Variants in SNTB1 observed in about 807,000 individuals in gnomAD.
SNTB1 encodes beta-1-syntrophin.
In SNTB1, 36 loss-of-function variants were observed where a neutral mutation model predicts 48.9. That is an observed-to-expected ratio of 0.74 (90% CI 0.56 to 0.97). The LOEUF (loss-of-function observed/expected upper bound fraction) is 0.97. SNTB1 is among the 50% of genes least tolerant of loss of function. SNTB1 has a pLI of 0.00. For synonymous variants in SNTB1, 299 were observed against 294.6 expected (o/e 1.01, Z -0.15); for missense variants, 786 against 703.4 (o/e 1.12, Z -1.33).
At chr8:120,661,195 T>TA (rs34319576) in intron 2 of SNTB1, among the ~76,000 whole-genome samples, 10,801 of 143,894 alleles carry the variant, frequency 0.075, 623 homozygotes, top group East Asian at 0.28. Flanking sequence ...TTCAATTTGT[T>TA]AAAAAAAAAA....
At chr8:120,811,217 G>A in intron 1 of SNTB1, 56 bp downstream of exon 1, 1 of 1,526,096 alleles carries the variant, frequency 6.6e-7, no homozygotes, top group South Asian at 1.3e-5. Flanking sequence ...GTGCGGGTGG[G>A]AAGCCGAGCA....
chr8:120,741,486 G>T (rs1236024319), intron 1 of SNTB1, among the ~76,000 whole-genome samples: 2 of 152,180 alleles, frequency 1.3e-5, no homozygotes, highest in Non-Finnish European at 2.9e-5. Context: ...GTGAGCCCCT[G>T]TAGTCCCAGC....
At chr8:120,752,642 G>A (rs1242255498) in intron 1 of SNTB1, among the ~76,000 whole-genome samples, 1 of 152,130 alleles carries the variant, frequency 6.6e-6, no homozygotes, top group Non-Finnish European at 1.5e-5. Flanking sequence ...ATGAAATCAT[G>A]TTCTTTGTAG....
intron 3 of SNTB1, among the ~76,000 whole-genome samples, chr8:120,587,677 A>G (rs965672737): frequency 1.3e-5 from 2 of 151,840 alleles, no homozygotes; most frequent in Admixed American, 6.5e-5. Flanking sequence ...AAGAGCTCAG[A>G]GGCCTGAGAT....
intron 4 of SNTB1, among the ~76,000 whole-genome samples, chr8:120,572,471 C>A (rs1241790041): frequency 6.6e-6 from 1 of 152,186 alleles, no homozygotes; most frequent in Non-Finnish European, 1.5e-5. Flanking sequence ...ACAAAAAGAG[C>A]TGGCAAGAGA....
chr8:120,574,436 A>G (rs1815914704), intron 4 of SNTB1, among the ~76,000 whole-genome samples: 1 of 152,238 alleles, frequency 6.6e-6, no homozygotes, highest in Non-Finnish European at 1.5e-5. Flanking sequence ...TTTATGGTAT[A>G]GACTATGATG....
intron 1 of SNTB1, among the ~76,000 whole-genome samples, chr8:120,701,501 G>A (rs2041655589): frequency 6.6e-6 from 1 of 152,110 alleles, no homozygotes; most frequent in African/African-American, 2.4e-5. Context: ...TGCTACTTAT[G>A]TCATCACCAA....
At chr8:120,629,419 G>A (rs1445550261) in intron 3 of SNTB1, among the ~76,000 whole-genome samples, 2 of 152,112 alleles carry the variant, frequency 1.3e-5, no homozygotes, top group Admixed American at 6.5e-5. Context: ...CAGAGTGACT[G>A]TGACAAATTT....
chr8:120,738,545 T>TCTCCTTCC (rs776577333), intron 1 of SNTB1, among the ~76,000 whole-genome samples: 1 of 135,728 alleles, frequency 7.4e-6, no homozygotes, highest in Admixed American at 7.5e-5. Context: ...TCCTTCCTTC[T>TCTCCTTCC]TTCCTTCCTT....
intron 1 of SNTB1, among the ~76,000 whole-genome samples, chr8:120,766,501 T>C (rs1819526987): frequency 1.3e-5 from 2 of 152,124 alleles, no homozygotes; most frequent in Non-Finnish European, 2.9e-5. Flanking sequence ...CTCCTATATA[T>C]AATATTTTTT....
intron 1 of SNTB1, among the ~76,000 whole-genome samples, chr8:120,781,819 C>G (rs951847709): frequency 6.6e-6 from 1 of 152,300 alleles, no homozygotes; most frequent in South Asian, 2.1e-4. Context: ...AAGAAAAGTC[C>G]TAGAAGCTGG....
chr8:120,707,801 C>T (rs1194229313), intron 1 of SNTB1, among the ~76,000 whole-genome samples: 3 of 152,088 alleles, frequency 2.0e-5, no homozygotes, highest in Admixed American at 6.6e-5. Context: ...TGTAATAATA[C>T]ATCTACTTCA....
At chr8:120,567,769 A>G (rs1193256470) in intron 4 of SNTB1, among the ~76,000 whole-genome samples, 1 of 149,054 alleles carries the variant, frequency 6.7e-6, no homozygotes, top group Non-Finnish European at 1.5e-5. Context: ...GTGATTAGTT[A>G]GTAGACACAG....
chr8:120,785,701 G>A (rs920077972), intron 1 of SNTB1, among the ~76,000 whole-genome samples: 3 of 146,724 alleles, frequency 2.0e-5, no homozygotes, highest in East Asian at 2.0e-4. Context: ...CCATGGCCCC[G>A]CCCACTGCCT....
chr8:120,746,342 A>AAT (rs142016259), intron 1 of SNTB1, among the ~76,000 whole-genome samples: 5,204 of 152,158 alleles, frequency 0.034, 117 homozygotes, highest in Non-Finnish European at 0.047. Flanking sequence ...TACAGTACAT[A>AAT]ATATATATAT....
At chr8:120,591,782 C>A (rs890179280) in intron 3 of SNTB1, among the ~76,000 whole-genome samples, 2 of 152,182 alleles carry the variant, frequency 1.3e-5, no homozygotes, top group Non-Finnish European at 2.9e-5. Context: ...CTCCTCTTTT[C>A]CTCACTGTGT....
intron 3 of SNTB1, among the ~76,000 whole-genome samples, chr8:120,603,194 C>T (rs1302634475): frequency 2.0e-5 from 3 of 152,000 alleles, no homozygotes; most frequent in South Asian, 2.1e-4. Context: ...CCTCTCCTCC[C>T]GGGTTCAAGC....
intron 1 of SNTB1, among the ~76,000 whole-genome samples, chr8:120,705,597 A>G (rs1383720462): frequency 1.3e-5 from 2 of 152,236 alleles, no homozygotes; most frequent in Non-Finnish European, 2.9e-5. Flanking sequence ...TCCCAGTCAC[A>G]TTGCAGAAAA....
At chr8:120,712,038 T>C (rs1033696202) in intron 1 of SNTB1, among the ~76,000 whole-genome samples, 8 of 152,186 alleles carry the variant, frequency 5.3e-5, no homozygotes, top group African/African-American at 1.9e-4. Flanking sequence ...AAGACATACT[T>C]CAGTGAATCA....
Sources: gnomAD v4.1 joint callset for allele counts (sites outside exome capture counted in the v4.1 genomes callset) on GRCh38, gnomAD v4.1.1 for gene constraint, MANE v1.5 for transcripts, NCBI Gene and HGNC (gene_info 2026-07-23, HGNC 2026-07-21) for gene names.